CHODL: variants seen among roughly 807,000 people sequenced by gnomAD.
CHODL encodes the protein chondrolectin.
Under a neutral mutation model 34.5 loss-of-function variants are expected in CHODL, and 29 were observed. The ratio of observed to expected loss-of-function variants is 0.84; its 90% confidence interval spans 0.63 to 1.15. The LOEUF (loss-of-function observed/expected upper bound fraction) is 1.15. Among genes scored for constraint, CHODL ranks in the 50% most tolerant of loss-of-function variants. The pLI is 0.00. For missense variants in CHODL, 332 were observed against 332.5 expected (o/e 1.00, Z 0.01); for synonymous variants, 125 against 116.1 (o/e 1.08, Z -0.49).
At chr21:18,248,996 GTATT>G (rs1363744822) in intron 1 of CHODL, among the ~76,000 whole-genome samples, 2 of 103,460 alleles carry the variant, frequency 1.9e-5, no homozygotes, top group Admixed American at 2.4e-4. Context: ...ATACATATAT[GTATT>G]TATATATAAT....
At chr21:18,121,320 G>A (rs1242562847) in intron 2 of CHODL, among the ~76,000 whole-genome samples, 2 of 152,132 alleles carry the variant, frequency 1.3e-5, no homozygotes, top group African/African-American at 2.4e-5. Flanking sequence ...ACCTCATAAT[G>A]TTTCAAGAAA....
intron 2 of CHODL, among the ~76,000 whole-genome samples, chr21:18,209,652 C>T (rs1174152787): frequency 6.6e-6 from 1 of 152,178 alleles, no homozygotes; most frequent in African/African-American, 2.4e-5. Flanking sequence ...GAAGCCAGCA[C>T]AGCTCTGAGT....
chr21:18,203,085 C>T (rs1198231509), intron 2 of CHODL, among the ~76,000 whole-genome samples: 2 of 152,108 alleles, frequency 1.3e-5, no homozygotes, highest in East Asian at 1.9e-4. Context: ...TTTGTATTTG[C>T]AAACCAAACT....
chr21:18,174,123 G>GTA (rs1159511070), intron 2 of CHODL, among the ~76,000 whole-genome samples: 303 of 21,506 alleles, frequency 0.014, 4 homozygotes, highest in Middle Eastern at 0.1. Flanking sequence ...ATATCTTGGT[G>GTA]TATATATATA....
intron 1 of CHODL, among the ~76,000 whole-genome samples, chr21:18,248,673 C>CATATATGTATATATTAT (rs2074178129): frequency 9.3e-6 from 1 of 107,314 alleles, no homozygotes; most frequent in African/African-American, 3.9e-5. Flanking sequence ...ATGTATAATA[C>CATATATGTATATATTAT]ATATATGTAT....
At position 18,245,202 on chromosome 21, in the gene CHODL, C is replaced by T; in HGVS notation, c.-22C>T. On this transcript the variant is annotated 5_prime_UTR_variant, in exon 1 of 6. Transcript: ENST00000299295. ...AGGCCGCCCTCGCTCCACGCAACACCTGCTGCTGCCACCGCGCCGCGATGA... is the reference window on the plus strand; with the variant it reads ...AGGCCGCCCTCGCTCCACGCAACACTTGCTGCTGCCACCGCGCCGCGATGA... 1 of 1,518,014 alleles carries T rather than the reference C, an allele frequency of 6.6e-7. No homozygotes were observed. Among genetic ancestry groups the T allele is most frequent in the Non-Finnish European group, 8.8e-7 (1 of 1,139,852 alleles). The allele number at this position is 1,518,014 out of a possible 1,614,324, so 94.0% of individuals were successfully genotyped here.
At chr21:18,108,974 T>A (rs2065312885) in intron 2 of CHODL, among the ~76,000 whole-genome samples, 1 of 152,066 alleles carries the variant, frequency 6.6e-6, no homozygotes, top group African/African-American at 2.4e-5. Flanking sequence ...GAAATAGGAT[T>A]ATGACAGACT....
At chr21:18,249,136 AATAT>A (rs1246825482) in intron 1 of CHODL, among the ~76,000 whole-genome samples, 1 of 134,258 alleles carries the variant, frequency 7.4e-6, no homozygotes, top group East Asian at 2.0e-4. Context: ...CATATATAAT[AATAT>A]ATATATATAT....
intron 2 of CHODL, among the ~76,000 whole-genome samples, chr21:18,052,909 A>G (rs1600941770): frequency 6.6e-6 from 1 of 151,946 alleles, no homozygotes; most frequent in Non-Finnish European, 1.5e-5. Context: ...GATCCCCACA[A>G]ATATATTTAT....
chr21:18,057,042 G>T (rs942658075), intron 2 of CHODL, among the ~76,000 whole-genome samples: 1 of 152,088 alleles, frequency 6.6e-6, no homozygotes, highest in Non-Finnish European at 1.5e-5. Flanking sequence ...TGATATGGGA[G>T]AGTCTTACAC....
Position 18,201,800 on chromosome 21 carries a change from C to CTTTTTT in CHODL, c.-44-54692_-44-54687dup, listed in dbSNP as rs547855975. Reference sequence around the variant, plus strand: ...TGAATAAAGTTCATATTTTTAAAAACTTTTTTTTTTTTTTTTTTTTTTGAG... The same window carrying CTTTTTT: ...TGAATAAAGTTCATATTTTTAAAAACTTTTTTTTTTTTTTTTTTTTTTTTTTTTGAG... On this transcript the variant is annotated intron_variant, in intron 2 of 6. Transcript: ENST00000400127. Among the ~76,000 whole-genome samples the CTTTTTT allele has an allele frequency of 3.5e-4, 40 of 114,386 alleles. 1 individual carries two copies. Among genetic ancestry groups the CTTTTTT allele is most frequent in the African/African-American group, 9.2e-4 (27 of 29,264 alleles). The allele number at this position is 114,386 out of a possible 152,430, so 75.0% of individuals were successfully genotyped here. A position where few individuals can be genotyped will look rare whatever the true frequency, so the allele number is the denominator to read the frequency against.
intron 2 of CHODL, among the ~76,000 whole-genome samples, chr21:18,029,649 TG>T (rs1329699233): frequency 1.3e-5 from 2 of 152,044 alleles, no homozygotes; most frequent in African/African-American, 4.8e-5. Context: ...GGAACCTTCC[TG>T]TTTTGGGGGG....
intron 2 of CHODL, among the ~76,000 whole-genome samples, chr21:18,163,926 A>C (rs1369621824): frequency 1.3e-5 from 2 of 152,136 alleles, no homozygotes; most frequent in East Asian, 3.8e-4. Flanking sequence ...AAAAAGAACA[A>C]CCCCATTTAA....
chr21:18,167,748 T>C (rs1220209709), intron 2 of CHODL, among the ~76,000 whole-genome samples: 1 of 152,250 alleles, frequency 6.6e-6, no homozygotes, highest in Admixed American at 6.5e-5. Flanking sequence ...ATGATGTAAG[T>C]AGGCTATTTG....
chr21:17,950,438 G>A (rs2063446665), intron 1 of CHODL, among the ~76,000 whole-genome samples: 1 of 150,672 alleles, frequency 6.6e-6, no homozygotes, highest in African/African-American at 2.4e-5. Flanking sequence ...TCTCTGGTTA[G>A]AATGTAGAAA....
At chr21:18,119,251 GTCATCCGC>G (rs1309419804) in intron 2 of CHODL, among the ~76,000 whole-genome samples, 2 of 151,424 alleles carry the variant, frequency 1.3e-5, no homozygotes, top group Admixed American at 6.6e-5. Context: ...CACATCCCCA[GTCATCCGC>G]TGATCTAGTA....
At chr21:18,088,710 C>T (rs541204320) in intron 2 of CHODL, among the ~76,000 whole-genome samples, 1 of 152,324 alleles carries the variant, frequency 6.6e-6, no homozygotes, top group South Asian at 2.1e-4. Flanking sequence ...CATAGACAAT[C>T]TGTTTGAAAT....
chr21:18,087,587 G>A (rs2065023092), intron 2 of CHODL, among the ~76,000 whole-genome samples: 1 of 152,130 alleles, frequency 6.6e-6, no homozygotes, highest in African/African-American at 2.4e-5. Flanking sequence ...CCTTGGCTAA[G>A]TGGGAGCTGC....
intron 2 of CHODL, among the ~76,000 whole-genome samples, chr21:18,060,106 T>C (rs2824625): frequency 0.044 from 6,660 of 152,172 alleles, 383 homozygotes; most frequent in East Asian, 0.14. Flanking sequence ...TCGCTTCGTA[T>C]CAATTTTTGC....
Sources: allele counts gnomAD v4.1 joint callset (sites outside exome capture counted in the v4.1 genomes callset), GRCh38; gene constraint gnomAD v4.1.1; transcripts MANE v1.5; gene names NCBI Gene and HGNC (gene_info 2026-07-23, HGNC 2026-07-21).